PARP11: variants seen among roughly 807,000 people sequenced by gnomAD.
PARP11 encodes the protein protein mono-ADP-ribosyltransferase PARP11.
A neutral mutation model predicts 42.9 loss-of-function variants in PARP11; 31 were observed. That is an observed-to-expected ratio of 0.72 (90% CI 0.54 to 0.98). The LOEUF (loss-of-function observed/expected upper bound fraction) is 0.98, where lower values mean the gene tolerates loss of function less well. Among genes scored for constraint, PARP11 ranks in the 50% least tolerant of loss-of-function variants. The pLI is 0.00. For missense variants in PARP11, 365 were observed against 413.1 expected, an observed-to-expected ratio of 0.88 and a Z score of 1.01; for synonymous variants, 137 against 127.3, an observed-to-expected ratio of 1.08 and a Z score of -0.51.
intron 6 of PARP11, among the ~76,000 whole-genome samples, chr12:3,818,951 C>G (rs1430784277): frequency 6.6e-6 from 1 of 152,106 alleles, no homozygotes; most frequent in Non-Finnish European, 1.5e-5. Context: ...AATGTACATA[C>G]GCTCCCTGGT....
At chr12:3,841,982 C>CA in intron 1 of PARP11, 1 of 1,610,782 alleles carries the variant, frequency 6.2e-7, no homozygotes, top group Non-Finnish European at 8.5e-7. Flanking sequence ...GAAGGCCGGA[C>CA]AGAGCAATCT....
chr12:3,843,328 T>C (rs915431461), intron 1 of PARP11, among the ~76,000 whole-genome samples: 29 of 152,240 alleles, frequency 1.9e-4, no homozygotes, highest in African/African-American at 7.0e-4. Context: ...TTGAAAATAA[T>C]CTGCATCAGT....
intron 1 of PARP11, chr12:3,863,717 A>G (rs1267891217): frequency 2.0e-5 from 3 of 152,216 alleles, no homozygotes; most frequent in Admixed American, 6.5e-5. Context: ...TCATTCTCCC[A>G]ACTATGTGTG....
chr12:3,828,036 A>G (rs1369085251), intron 3 of PARP11, among the ~76,000 whole-genome samples: 1 of 152,252 alleles, frequency 6.6e-6, no homozygotes, highest in East Asian at 1.9e-4. Flanking sequence ...ACATGCCCAT[A>G]TAACACAGAT....
intron 1 of PARP11, among the ~76,000 whole-genome samples, chr12:3,830,684 C>T (rs1490821724): frequency 6.6e-6 from 1 of 152,086 alleles, no homozygotes; most frequent in Non-Finnish European, 1.5e-5. Flanking sequence ...TACGTGCCAG[C>T]TACTGTTCTA....
chr12:3,839,087 G>C (rs1425145475), intron 1 of PARP11, among the ~76,000 whole-genome samples: 1 of 151,900 alleles, frequency 6.6e-6, no homozygotes, highest in Admixed American at 6.6e-5. Flanking sequence ...AGGCGGCCGC[G>C]TACGGACAGC....
At chr12:3,835,347 T>C (rs1256516046) in intron 1 of PARP11, among the ~76,000 whole-genome samples, 3 of 151,078 alleles carry the variant, frequency 2.0e-5, no homozygotes, top group Non-Finnish European at 4.4e-5. Flanking sequence ...AAATGGACTT[T>C]ACAGAATTTG....
intron 1 of PARP11, among the ~76,000 whole-genome samples, chr12:3,868,740 CCA>C (rs1555142874): frequency 6.6e-6 from 1 of 152,174 alleles, no homozygotes; most frequent in East Asian, 1.9e-4. Context: ...CATACTTTCC[CCA>C]CATAGTCCAA....
intron 1 of PARP11, among the ~76,000 whole-genome samples, chr12:3,830,221 A>G (rs370872384): frequency 2.1e-4 from 32 of 151,698 alleles, no homozygotes; most frequent in East Asian, 1.5e-3. Context: ...CAATTTAGGC[A>G]AGTAATAATA....
chr12:3,840,754 C>T lies in PARP11; in HGVS notation c.19-10736G>A. On this transcript the variant is annotated intron_variant, in intron 1 of 7. Coordinates refer to ENST00000228820, the MANE Select transcript of PARP11 (RefSeq NM_020367.6). This position sits in a 1 kb window ranked among gnomAD's most constrained non-coding sequence, Gnocchi z 4.4. ...TTCATGGACATAGTTGGATAAAAGA[C>T]CCGAACCAAGCATATTGGAGAATAT... 3 of 1,430,652 alleles carry T rather than the reference C, an allele frequency of 2.1e-6. No individual in the cohort carries two copies. In the East Asian group the frequency reaches 6.8e-5, roughly 33 times the overall value. The allele number at this position is 1,430,652 out of a possible 1,614,324, so 88.6% of individuals were successfully genotyped here. A position where few individuals can be genotyped will look rare whatever the true frequency, so the allele number is the denominator to read the frequency against.
At chr12:3,814,983 A>G (rs1462086209) in intron 6 of PARP11, 5 of 455,818 alleles carry the variant, frequency 1.1e-5, no homozygotes, top group Non-Finnish European at 1.8e-5. Flanking sequence ...TACAAACAAT[A>G]AGGCACCATA....
In PARP11 at chr12:3,849,198, G is replaced by A. The variant is rs180800101; in HGVS notation, c.19-19180C>T. ...AGGATGTGGAGAAAATGGAACCCTC[G>A]TTCACTGTTGGTGGGAATGTAAATA... On this transcript the variant is annotated intron_variant, in intron 1 of 7. Coordinates refer to ENST00000228820, the MANE Select transcript of PARP11 (RefSeq NM_020367.6). Among the ~76,000 whole-genome samples the A allele has an allele frequency of 1.4e-4, 21 of 151,942 alleles. 1 individual carries two copies. In the East Asian group the frequency reaches 3.3e-3, roughly 24 times the overall value.
chr12:3,857,087 T>C (rs1230278989), intron 1 of PARP11, among the ~76,000 whole-genome samples: 1 of 123,208 alleles, frequency 8.1e-6, no homozygotes, highest in Non-Finnish European at 1.6e-5. Flanking sequence ...TGAAAACACC[T>C]GGACACAGGG....
intron 1 of PARP11, among the ~76,000 whole-genome samples, chr12:3,834,838 G>C (rs1044387476): frequency 6.6e-6 from 1 of 152,088 alleles, no homozygotes; most frequent in East Asian, 1.9e-4. Flanking sequence ...GTACACCCAG[G>C]AATGATCAGG....
At chr12:3,828,008 T>C (rs2138040846) in intron 3 of PARP11, among the ~76,000 whole-genome samples, 1 of 152,336 alleles carries the variant, frequency 6.6e-6, no homozygotes, top group East Asian at 1.9e-4. Flanking sequence ...CATCAGGTTT[T>C]TCATGGGATA....
rs1230442220 is a variant in PARP11, at chr12:3,810,969, G to A, written c.*1154C>T. The A allele has an allele frequency of 6.6e-6, 1 of 152,182 alleles. No homozygotes were observed. The highest frequency in any genetic ancestry group is 1.5e-5 in the Non-Finnish European group (1 of 68,036). 9.4% of individuals were successfully genotyped at this position (152,182 alleles called of 1,614,324 possible). The stretch of plus-strand genomic sequence containing the variant: ...CCCGCCAAGTTGCTGTCTCGCCTCT[G>A]CTAGAATACCTTTAGGGGAGGGAAG... On this transcript the variant is annotated 3_prime_UTR_variant, in exon 8 of 8. Transcript: ENST00000228820.
chr12:3,843,460 GTA>G (rs1012351472), intron 1 of PARP11, among the ~76,000 whole-genome samples: 2 of 152,264 alleles, frequency 1.3e-5, no homozygotes, highest in Admixed American at 1.3e-4. Context: ...TACTGTGTGT[GTA>G]TTTTTTTTCC....
At chr12:3,863,760 G>C (rs1948340513) in intron 1 of PARP11, 2 of 152,218 alleles carry the variant, frequency 1.3e-5, no homozygotes, top group South Asian at 2.1e-4. Flanking sequence ...AACCAAGGAA[G>C]TTCATTTGAG....
chr12:3,857,293 AG>A (rs1352174165), intron 1 of PARP11, among the ~76,000 whole-genome samples: 2 of 152,176 alleles, frequency 1.3e-5, no homozygotes, highest in Non-Finnish European at 2.9e-5. Context: ...AATAAAAAAA[AG>A]ATACAGCATT....
Sources: gnomAD v4.1 joint callset for allele counts (sites outside exome capture counted in the v4.1 genomes callset) on GRCh38, gnomAD v4.1.1 for gene constraint, Gnocchi (gnomAD v3.1) non-coding constraint, MANE v1.5 for transcripts, NCBI Gene and HGNC (gene_info 2026-07-23, HGNC 2026-07-21) for gene names.